The following SPPL2A variants were observed in gnomAD, a reference collection of about 807,000 sequenced individuals.
The protein encoded by SPPL2A is signal peptide peptidase like 2A.
SPPL2A carries 51 observed loss-of-function variants against 63.8 expected under a neutral mutation model. The observed-to-expected ratio is 0.80, with a 90% confidence interval of 0.64 to 1.01. The LOEUF is 1.01. Among genes scored for constraint, SPPL2A ranks in the 50% least tolerant of loss-of-function variants. The pLI is 0.00. For synonymous variants in SPPL2A, 188 were observed against 205.8 expected (o/e 0.91, Z 0.74); for missense variants, 553 against 622.7 (o/e 0.89, Z 1.19).
intron 12 of SPPL2A, among the ~76,000 whole-genome samples, chr15:50,724,828 T>C (rs931903415): frequency 5.9e-5 from 9 of 152,212 alleles, no homozygotes; most frequent in African/African-American, 1.7e-4. Context: ...CTCCTCTTGA[T>C]CACAGCCTTG....
chr15:50,743,214 T>C (rs1425350430), intron 5 of SPPL2A: 1 of 152,314 alleles, frequency 6.6e-6, no homozygotes, highest in Non-Finnish European at 1.5e-5. Flanking sequence ...GAGGTTGCAG[T>C]GAGCCGGGGT....
Position 50,703,295 on chromosome 15 carries a change from A to G in SPPL2A, c.*4505T>C, listed in dbSNP as rs2062487830. On this transcript the variant is annotated 3_prime_UTR_variant, in exon 15 of 15. Transcript: ENST00000261854. ...TTAAGATCAGGCTGAAATTTTAGAG[A>G]TTAAGCCTAAATAAATTAGTTCATA... 1 of 143,806 alleles carries G rather than the reference A, an allele frequency of 7.0e-6. No individual in the cohort carries two copies. Among genetic ancestry groups the G allele is most frequent in the Admixed American group, 7.1e-5 (1 of 14,062 alleles). The allele number at this position is 143,806 out of a possible 1,614,324, so 8.9% of individuals were successfully genotyped here.
At chr15:50,736,815 T>A in intron 6 of SPPL2A, 75 bp from the exon 7 acceptor site, 1 of 715,820 alleles carries the variant, frequency 1.4e-6, no homozygotes, top group Non-Finnish European at 2.5e-6. Context: ...CAAGCAATAT[T>A]AATTCTTTAC....
chr15:50,741,560 A>G (rs2062820510), intron 5 of SPPL2A, among the ~76,000 whole-genome samples: 1 of 152,058 alleles, frequency 6.6e-6, no homozygotes, highest in African/African-American at 2.4e-5. Context: ...TTTTTGTCAT[A>G]GTATACATAT....
Position 50,705,975 on chromosome 15 carries a change from T to G in SPPL2A, c.*1825A>C, listed in dbSNP as rs1337140490. On this transcript the variant is annotated 3_prime_UTR_variant, in exon 15 of 15. Coordinates refer to ENST00000261854, the MANE Select transcript of SPPL2A (RefSeq NM_032802.4). Reference sequence around the variant, plus strand: ...GAAAATGGAAAGATAATTTGACCTCTGACTTCCAGGAGAATGTTCAGGCCA... The same window carrying G: ...GAAAATGGAAAGATAATTTGACCTCGGACTTCCAGGAGAATGTTCAGGCCA... 6.6e-6 allele frequency: 1 copy of G among 152,224 alleles called. No individual in the cohort carries two copies. Among genetic ancestry groups the G allele is most frequent in the Non-Finnish European group, 1.5e-5 (1 of 68,030 alleles). The allele number at this position is 152,224 out of a possible 1,614,324, so 9.4% of individuals were successfully genotyped here. A position where few individuals can be genotyped will look rare whatever the true frequency, so the allele number is the denominator to read the frequency against.
At chr15:50,713,278 T>G (rs540381567) in intron 14 of SPPL2A, among the ~76,000 whole-genome samples, 1 of 151,858 alleles carries the variant, frequency 6.6e-6, no homozygotes, top group East Asian at 1.9e-4. Flanking sequence ...ATTTTTTTTT[T>G]TTTTTTGAGA....
intron 14 of SPPL2A, among the ~76,000 whole-genome samples, chr15:50,716,049 G>A (rs1011742422): frequency 2.3e-4 from 35 of 152,034 alleles, no homozygotes; most frequent in Admixed American, 7.9e-4. Flanking sequence ...TCATTCACTC[G>A]TCTATCCATT....
At chr15:50,746,113 A>T (rs928107454) in intron 5 of SPPL2A, among the ~76,000 whole-genome samples, 4 of 151,412 alleles carry the variant, frequency 2.6e-5, no homozygotes, top group African/African-American at 9.7e-5. Flanking sequence ...GAGATGCCTC[A>T]ATTTATCCGT....
At chr15:50,729,902 A>G (rs1024065565) in intron 10 of SPPL2A, among the ~76,000 whole-genome samples, 1 of 151,882 alleles carries the variant, frequency 6.6e-6, no homozygotes, top group Non-Finnish European at 1.5e-5. Flanking sequence ...CTGGGAGGCC[A>G]ACGTGGGAGG....
rs1205018071 is a variant in SPPL2A at position 50,736,087 on chromosome 15, T to TTGG, written c.932+13_932+14insCCA. 2 of 1,445,922 alleles carry TTGG rather than the reference T, an allele frequency of 1.4e-6. No homozygotes were observed. The highest frequency in any genetic ancestry group is 1.9e-6 in the Non-Finnish European group (2 of 1,029,364). The allele number at this position is 1,445,922 out of a possible 1,614,324, so 89.6% of individuals were successfully genotyped here. A position where few individuals can be genotyped will look rare whatever the true frequency, so the allele number is the denominator to read the frequency against. Reference sequence around the variant, plus strand: ...CATCCTTAATCTAAAAGCAAATACATTGAGTATTCATACCTGTCTTCATTT... The same window carrying TTGG: ...CATCCTTAATCTAAAAGCAAATACATTGGTGAGTATTCATACCTGTCTTCATTT... On this transcript the variant is annotated intron_variant, in intron 8 of 14. Coordinates refer to ENST00000261854, the MANE Select transcript of SPPL2A (RefSeq NM_032802.4).
At chr15:50,726,204 G>C in intron 11 of SPPL2A, 117 bp downstream of exon 11, 2 of 1,464,478 alleles carry the variant, frequency 1.4e-6, no homozygotes, top group Non-Finnish European at 1.9e-6. Flanking sequence ...TGAGAAATAA[G>C]TTTTACAATA....
intron 9 of SPPL2A, among the ~76,000 whole-genome samples, chr15:50,731,631 A>C (rs978877413): frequency 6.6e-6 from 1 of 151,462 alleles, no homozygotes; most frequent in African/African-American, 2.4e-5. Context: ...TGAATGATTA[A>C]AAATATTTTA....
At chr15:50,741,587 A>G (rs921344014) in intron 5 of SPPL2A, among the ~76,000 whole-genome samples, 4 of 150,248 alleles carry the variant, frequency 2.7e-5, no homozygotes, top group Admixed American at 6.6e-5. Context: ...TAATAATTCA[A>G]TATCTATTCA....
At chr15:50,707,951 T>A (rs1160429456) in intron 14 of SPPL2A, 77 bp from the exon 15 acceptor site, 4 of 785,482 alleles carry the variant, frequency 5.1e-6, no homozygotes, top group Non-Finnish European at 9.1e-6. Flanking sequence ...GCAAAAGGAT[T>A]CTTTTTCTAA....
At position 50,707,118 on chromosome 15, in the gene SPPL2A, T is replaced by G. The variant is rs2062515194; in HGVS notation, c.*682A>C. On this transcript the variant is annotated 3_prime_UTR_variant, in exon 15 of 15. Transcript: ENST00000261854. The stretch of plus-strand genomic sequence containing the variant: ...TTATTTCTACAGAGCAGATATAATT[T>G]GCATAAATCTTTTTTTTTGGGATGG... 1 of 152,208 alleles carries G rather than the reference T, an allele frequency of 6.6e-6. No individual in the cohort carries two copies. The highest frequency in any genetic ancestry group is 2.4e-5 in the African/African-American group (1 of 41,442). The allele number at this position is 152,208 out of a possible 1,614,324, so 9.4% of individuals were successfully genotyped here.
intron 14 of SPPL2A, among the ~76,000 whole-genome samples, chr15:50,716,355 C>A (rs1328575491): frequency 1.3e-5 from 2 of 151,934 alleles, no homozygotes; most frequent in Non-Finnish European, 2.9e-5. Context: ...CCACCATGCC[C>A]AGCTAATTTT....
chr15:50,740,908 G>A (rs903801018), intron 5 of SPPL2A, among the ~76,000 whole-genome samples: 4 of 152,168 alleles, frequency 2.6e-5, no homozygotes, highest in East Asian at 1.9e-4. Context: ...GCACCCAGCC[G>A]CTTCTCTTAA....
At chr15:50,714,068 A>G (rs747524901) in intron 14 of SPPL2A, among the ~76,000 whole-genome samples, 4 of 152,238 alleles carry the variant, frequency 2.6e-5, no homozygotes, top group South Asian at 2.1e-4. Flanking sequence ...ACTAGACTCT[A>G]TGCTCTTTAC....
chr15:50,749,861 C>T, intron 1 of SPPL2A, 115 bp from the exon 2 acceptor site: 2 of 681,730 alleles, frequency 2.9e-6, no homozygotes, highest in Non-Finnish European at 2.6e-6. Context: ...GAGGGATGGT[C>T]TTCCATGAAT....
Sources: gnomAD v4.1 joint callset for allele counts (sites outside exome capture counted in the v4.1 genomes callset) on GRCh38, gnomAD v4.1.1 for gene constraint, MANE v1.5 for transcripts, NCBI Gene and HGNC (gene_info 2026-07-23, HGNC 2026-07-21) for gene names.